Variants in LUZP2 observed in about 807,000 individuals in gnomAD.
LUZP2 encodes leucine zipper protein 2.
LUZP2 carries 52 observed loss-of-function variants against 51.6 expected under a neutral mutation model. That is an observed-to-expected ratio of 1.01 (90% confidence interval 0.81 to 1.27). The LOEUF is 1.27. LUZP2 is among the 50% of genes most tolerant of loss of function. The pLI is 0.00. For missense variants in LUZP2, 436 were observed against 395.4 expected (o/e 1.10, Z -0.87); for synonymous variants, 154 against 137.3 (o/e 1.12, Z -0.85).
intron 7 of LUZP2, among the ~76,000 whole-genome samples, chr11:24,930,904 A>G (rs545622590): frequency 2.6e-5 from 4 of 152,246 alleles, no homozygotes; most frequent in African/African-American, 9.6e-5. Context: ...AACTTCTTGG[A>G]AGCTTTGTTC....
intron 4 of LUZP2, among the ~76,000 whole-genome samples, chr11:24,752,480 C>G (rs768134320): frequency 6.6e-6 from 1 of 152,160 alleles, no homozygotes. Context: ...AAACAGCAGA[C>G]TGCAAGTGAT....
At chr11:24,913,171 A>G (rs1181194820) in intron 6 of LUZP2, among the ~76,000 whole-genome samples, 1 of 152,212 alleles carries the variant, frequency 6.6e-6, no homozygotes, top group East Asian at 1.9e-4. Flanking sequence ...TTCTTGCTAT[A>G]TTACACTGAA....
At chr11:24,880,207 C>G (rs569093860) in intron 5 of LUZP2, among the ~76,000 whole-genome samples, 1 of 152,276 alleles carries the variant, frequency 6.6e-6, no homozygotes, top group East Asian at 1.9e-4. Context: ...CTGCTGAGTT[C>G]AGCCCAGTGT....
At chr11:25,038,166 T>C (rs975733700) in intron 9 of LUZP2, among the ~76,000 whole-genome samples, 7 of 152,170 alleles carry the variant, frequency 4.6e-5, no homozygotes, top group African/African-American at 1.7e-4. Flanking sequence ...TTTGTCCCTT[T>C]ACATAATCTC....
intron 7 of LUZP2, among the ~76,000 whole-genome samples, chr11:24,943,097 T>C (rs1854799889): frequency 6.6e-6 from 1 of 152,178 alleles, no homozygotes; most frequent in Non-Finnish European, 1.5e-5. Flanking sequence ...GCTCCTTTGA[T>C]TGGATTCGTA....
intron 1 of LUZP2, among the ~76,000 whole-genome samples, chr11:24,618,634 T>C (rs1854378774): frequency 6.6e-6 from 1 of 152,202 alleles, no homozygotes; most frequent in Non-Finnish European, 1.5e-5. Context: ...AAGTCTGAGA[T>C]ACATGAGACA....
intron 1 of LUZP2, among the ~76,000 whole-genome samples, chr11:24,685,935 T>C (rs1856884689): frequency 6.6e-6 from 1 of 152,296 alleles, no homozygotes; most frequent in Admixed American, 6.5e-5. Context: ...TGAAGAAGCA[T>C]CAAAGCATTA....
At chr11:24,629,427 A>T (rs1468773683) in intron 1 of LUZP2, among the ~76,000 whole-genome samples, 1 of 150,046 alleles carries the variant, frequency 6.7e-6, no homozygotes, top group African/African-American at 2.4e-5. Context: ...TTTATGGCTG[A>T]ACAGTATTCC....
At chr11:24,902,678 G>A (rs973182645) in intron 5 of LUZP2, among the ~76,000 whole-genome samples, 3 of 151,988 alleles carry the variant, frequency 2.0e-5, no homozygotes, top group Admixed American at 6.6e-5. Context: ...GAGAAAACAG[G>A]TCAATGAAAT....
chr11:24,751,543 G>A lies in LUZP2; in HGVS notation c.334-11703G>A, dbSNP rs549566620. ...CCTGCTAGAATGAGAAGTAATGGGA[G>A]TGAGGAAGGGTGGAGTCGTAGTACC... On this transcript the variant is annotated intron_variant, in intron 4 of 11. Transcript: ENST00000336930. 5.5e-4 allele frequency: 535 copies of A among 969,832 alleles called. 3 individuals carry two copies. The African/African-American group carries it at 8.9e-3, about 16-fold the overall frequency. The allele number at this position is 969,832 out of a possible 1,614,324, so 60.1% of individuals were successfully genotyped here. A position where few individuals can be genotyped will look rare whatever the true frequency, so the allele number is the denominator to read the frequency against.
At chr11:24,584,164 G>A (rs1852977356) in intron 1 of LUZP2, among the ~76,000 whole-genome samples, 1 of 152,054 alleles carries the variant, frequency 6.6e-6, no homozygotes, top group Admixed American at 6.5e-5. Flanking sequence ...CATTGCAGTA[G>A]CCTTATTGAG....
chr11:24,983,637 T>A, intron 9 of LUZP2, among the ~76,000 whole-genome samples: 1 of 151,758 alleles, frequency 6.6e-6, no homozygotes, highest in East Asian at 1.9e-4. Flanking sequence ...AATATTTTCT[T>A]CTGGGGCACA....
At chr11:24,856,099 A>T (rs1031441533) in intron 5 of LUZP2, among the ~76,000 whole-genome samples, 7 of 152,140 alleles carry the variant, frequency 4.6e-5, no homozygotes, top group Non-Finnish European at 7.4e-5. Flanking sequence ...ACAAAAATAG[A>T]CAAATGGAAG....
In LUZP2 at chr11:24,530,196, CA is replaced by C. The variant is rs374527028; in HGVS notation, c.62+32892del. Among the ~76,000 whole-genome samples, 542 of 150,892 alleles carry C rather than the reference CA, an allele frequency of 3.6e-3. 6 individuals are homozygous for C. The highest frequency in any genetic ancestry group is 0.012 in the African/African-American group (517 of 41,362). ...ACCCAAAAATTTTAAATGCAATGTACATGATTATGAATTCACTGAGGAGATT... is the reference window on the plus strand; with the variant it reads ...ACCCAAAAATTTTAAATGCAATGTACTGATTATGAATTCACTGAGGAGATT... On this transcript the variant is annotated intron_variant, in intron 1 of 11. Coordinates refer to ENST00000336930, the MANE Select transcript of LUZP2 (RefSeq NM_001009909.4).
intron 5 of LUZP2, among the ~76,000 whole-genome samples, chr11:24,884,122 T>C (rs993657600): frequency 6.6e-6 from 1 of 152,018 alleles, no homozygotes; most frequent in Non-Finnish European, 1.5e-5. Flanking sequence ...ATAGCAAATT[T>C]ATTCTGCACA....
chr11:25,065,130 A>G (rs1394095754), intron 10 of LUZP2, among the ~76,000 whole-genome samples: 2 of 151,984 alleles, frequency 1.3e-5, no homozygotes, highest in East Asian at 1.9e-4. Context: ...ATCTTAAACT[A>G]TGGGAAAGCT....
intron 5 of LUZP2, among the ~76,000 whole-genome samples, chr11:24,842,267 A>ATAATACATAATATATAATT (rs1192336752): frequency 2.0e-5 from 3 of 149,032 alleles, no homozygotes; most frequent in African/African-American, 7.3e-5. Flanking sequence ...AATATGTTAT[A>ATAATACATAATATATAATT]TAATACATAA....
intron 5 of LUZP2, chr11:24,892,144 G>A (rs1350243751): frequency 2.0e-6 from 2 of 985,450 alleles, no homozygotes; most frequent in East Asian, 1.1e-4. Flanking sequence ...TCGTTTGCTT[G>A]TTATTTCTTA....
At chr11:24,853,503 T>C (rs1851458215) in intron 5 of LUZP2, among the ~76,000 whole-genome samples, 1 of 152,138 alleles carries the variant, frequency 6.6e-6, no homozygotes, top group Admixed American at 6.6e-5. Flanking sequence ...AATGGGTTAC[T>C]CTAGTTAGCA....
Sources: allele counts gnomAD v4.1 joint callset (sites outside exome capture counted in the v4.1 genomes callset), GRCh38; gene constraint gnomAD v4.1.1; transcripts MANE v1.5; gene names NCBI Gene and HGNC (gene_info 2026-07-23, HGNC 2026-07-21).